The following PCDHA11 variants were observed in gnomAD, a reference collection of about 807,000 sequenced individuals.
The protein encoded by PCDHA11 is protocadherin alpha-11.
A neutral mutation model predicts 70.3 loss-of-function variants in PCDHA11; 61 were observed. The ratio of observed to expected loss-of-function variants is 0.87; its 90% confidence interval spans 0.71 to 1.07. The LOEUF is 1.07. Among genes scored for constraint, PCDHA11 ranks in the 50% least tolerant of loss-of-function variants. The pLI is 0.00. For synonymous variants in PCDHA11, 633 were observed against 555.1 expected (o/e 1.14, Z -1.97); for missense variants, 1,324 against 1,237.5 (o/e 1.07, Z -1.05).
intron 1 of PCDHA11, chr5:140,968,491 T>C: frequency 6.2e-7 from 1 of 1,614,130 alleles, no homozygotes; most frequent in Non-Finnish European, 8.5e-7. Flanking sequence ...TGAATGACCA[T>C]GCCCCTCACA....
intron 3 of PCDHA11, among the ~76,000 whole-genome samples, chr5:140,986,013 A>C (rs544858025): frequency 6.6e-6 from 1 of 152,298 alleles, no homozygotes; most frequent in Admixed American, 6.5e-5. Flanking sequence ...TGCTGGGATT[A>C]CAGGCGTGAG....
At position 140,977,766 on chromosome 5, in the gene PCDHA11, G is replaced by C. The variant is rs559146656; in HGVS notation, c.2392-1183G>C. ...AAGAAATGTGTTTATTAAATACTTTGCATCCCTTAAAGGAACTATATGAAT... is the reference window on the plus strand; with the variant it reads ...AAGAAATGTGTTTATTAAATACTTTCCATCCCTTAAAGGAACTATATGAAT... On this transcript the variant is annotated intron_variant, in intron 1 of 3. Coordinates refer to ENST00000398640, the MANE Select transcript of PCDHA11 (RefSeq NM_018902.5). Among the ~76,000 whole-genome samples, 3 of 152,272 alleles carry C rather than the reference G, an allele frequency of 2.0e-5. No homozygotes were observed. In the South Asian group the frequency reaches 6.2e-4, roughly 32 times the overall value.
chr5:140,975,996 C>T (rs923472287), intron 1 of PCDHA11, among the ~76,000 whole-genome samples: 1 of 152,064 alleles, frequency 6.6e-6, no homozygotes, highest in African/African-American at 2.4e-5. Flanking sequence ...GAGGTACCAT[C>T]TAAGTATTAA....
chr5:140,877,807 T>C, intron 1 of PCDHA11: 1 of 1,611,556 alleles, frequency 6.2e-7, no homozygotes, highest in Non-Finnish European at 8.5e-7. Context: ...CCTTCAGCTG[T>C]CTCGAGAAGA....
intron 3 of PCDHA11, among the ~76,000 whole-genome samples, chr5:141,000,412 TATATA>T (rs2097919858): frequency 7.8e-5 from 8 of 102,770 alleles, no homozygotes; most frequent in African/African-American, 2.3e-4. Flanking sequence ...TATATATATA[TATATA>T]TATATTTTTT....
At chr5:140,924,223 T>A (rs2081726593) in intron 1 of PCDHA11, among the ~76,000 whole-genome samples, 1 of 152,230 alleles carries the variant, frequency 6.6e-6, no homozygotes, top group South Asian at 2.1e-4. Context: ...ATAAGTTCAA[T>A]TTTTATGGGC....
intron 1 of PCDHA11, among the ~76,000 whole-genome samples, chr5:140,899,002 G>T (rs1265936919): frequency 7.2e-4 from 110 of 151,880 alleles, no homozygotes; most frequent in African/African-American, 2.6e-3. Context: ...GTCTGTTATT[G>T]GTGTATAAGA....
intron 3 of PCDHA11, among the ~76,000 whole-genome samples, chr5:140,989,535 GTT>G (rs2097346543): frequency 6.6e-6 from 1 of 152,178 alleles, no homozygotes; most frequent in Non-Finnish European, 1.5e-5. Context: ...GAGGAAGATA[GTT>G]TGTAATTCCT....
At chr5:140,901,439 A>G (rs2068668793) in intron 1 of PCDHA11, among the ~76,000 whole-genome samples, 1 of 152,164 alleles carries the variant, frequency 6.6e-6, no homozygotes, top group South Asian at 2.1e-4. Flanking sequence ...ATGGATATCT[A>G]GTTTCCCAGC....
intron 1 of PCDHA11, among the ~76,000 whole-genome samples, chr5:140,912,549 A>G (rs2075971399): frequency 6.6e-6 from 1 of 152,152 alleles, no homozygotes; most frequent in East Asian, 1.9e-4. Context: ...TTGTCAGCAA[A>G]CAGCAACAGT....
chr5:140,959,303 T>C (rs1467527270), intron 1 of PCDHA11, among the ~76,000 whole-genome samples: 1 of 151,938 alleles, frequency 6.6e-6, no homozygotes, highest in African/African-American at 2.4e-5. Flanking sequence ...CTGAGCCCGG[T>C]GGTTGAAGCT....
intron 3 of PCDHA11, among the ~76,000 whole-genome samples, chr5:140,989,624 G>C (rs527255277): frequency 6.6e-6 from 1 of 152,208 alleles, no homozygotes; most frequent in Non-Finnish European, 1.5e-5. Context: ...GTCTGTCCTA[G>C]TGACAGCAAG....
rs782339436 is a variant in PCDHA11, at chr5:140,928,591, G to A, written c.2392-50358G>A. The A allele has an allele frequency of 3.1e-6, 5 of 1,614,230 alleles. No individual in the cohort carries two copies. The South Asian group carries it at 5.5e-5, about 18-fold the overall frequency. ...CTTGCCCAGAAATGGTTCTGTCCCA[G>A]TGGAAATTGTGCCCCGCTCTGCCAG... On this transcript the variant is annotated intron_variant, in intron 1 of 3. Coordinates refer to ENST00000398640, the MANE Select transcript of PCDHA11 (RefSeq NM_018902.5).
intron 3 of PCDHA11, among the ~76,000 whole-genome samples, chr5:141,000,365 C>G (rs1413548696): frequency 7.8e-5 from 1 of 12,832 alleles, no homozygotes; most frequent in Non-Finnish European, 1.3e-4. Flanking sequence ...CTCTCTGTCT[C>G]TCTCTCTCTC....
At chr5:141,002,923 C>A (rs1261794185) in intron 3 of PCDHA11, among the ~76,000 whole-genome samples, 2 of 152,220 alleles carry the variant, frequency 1.3e-5, no homozygotes, top group Non-Finnish European at 2.9e-5. Flanking sequence ...AAAGTGAACA[C>A]CCTCCAACAC....
intron 1 of PCDHA11, chr5:140,875,866 G>T: frequency 6.2e-7 from 1 of 1,614,192 alleles, no homozygotes; most frequent in Non-Finnish European, 8.5e-7. Context: ...CAACCCGCCG[G>T]TGTTCAGAGA....
rs549755742 is a variant in PCDHA11 at position 140,943,684 on chromosome 5, T to C, written c.2392-35265T>C. ...ATGTATAAAGTGTGAAAAAAAGGGA[T>C]AAGGTCAAAATATTGTGGAACACAT... On this transcript the variant is annotated intron_variant, in intron 1 of 3. Transcript: ENST00000398640. Among the ~76,000 whole-genome samples, 254 of 152,102 alleles carry C rather than the reference T, an allele frequency of 1.7e-3. 2 individuals carry two copies. The highest frequency in any genetic ancestry group is 2.9e-4 in the Non-Finnish European group (20 of 67,984).
intron 2 of PCDHA11, among the ~76,000 whole-genome samples, chr5:140,982,130 G>A (rs1298475758): frequency 6.6e-6 from 1 of 152,228 alleles, no homozygotes; most frequent in African/African-American, 2.4e-5. Context: ...TTGAGAACAA[G>A]CCCTCCTCAT....
At chr5:140,879,190 C>T (rs2057894732) in intron 1 of PCDHA11, among the ~76,000 whole-genome samples, 1 of 152,052 alleles carries the variant, frequency 6.6e-6, no homozygotes. Context: ...GTAATGGAGA[C>T]TTAAATTATG....
Sources: gnomAD v4.1 joint callset for allele counts (sites outside exome capture counted in the v4.1 genomes callset) on GRCh38, gnomAD v4.1.1 for gene constraint, MANE v1.5 for transcripts, NCBI Gene and HGNC (gene_info 2026-07-23, HGNC 2026-07-21) for gene names.